RIMS2: variants seen among roughly 807,000 people sequenced by gnomAD.
RIMS2 encodes the protein regulating synaptic membrane exocytosis 2.
Under a neutral mutation model 174.4 loss-of-function variants are expected in RIMS2, and 59 were observed. The ratio of observed to expected loss-of-function variants is 0.34; its 90% CI spans 0.27 to 0.42. The LOEUF is 0.42. Ranked by LOEUF, RIMS2 falls within the 10% of genes least tolerant of loss-of-function variation. RIMS2 has a pLI of 1.00. For missense variants in RIMS2, 1,620 were observed against 1,666.3 expected (o/e 0.97, Z 0.48); for synonymous variants, 606 against 572.5 (o/e 1.06, Z -0.84).
chr8:104,051,270 G>A (rs991864843), intron 19 of RIMS2, among the ~76,000 whole-genome samples: 2 of 151,592 alleles, frequency 1.3e-5, no homozygotes, highest in Non-Finnish European at 2.9e-5. Context: ...ATATATATAT[G>A]TATGTGTGTG....
intron 1 of RIMS2, among the ~76,000 whole-genome samples, chr8:103,634,007 C>T (rs904447775): frequency 6.6e-6 from 1 of 152,048 alleles, no homozygotes; most frequent in African/African-American, 2.4e-5. Context: ...TTTTTCGTGT[C>T]TTGATTTCCC....
intron 19 of RIMS2, among the ~76,000 whole-genome samples, chr8:104,126,063 T>C (rs1321113163): frequency 6.6e-6 from 1 of 152,144 alleles, no homozygotes; most frequent in Non-Finnish European, 1.5e-5. Flanking sequence ...GGCTAGAAGG[T>C]GGACTAGATC....
intron 2 of RIMS2, among the ~76,000 whole-genome samples, chr8:103,765,553 A>C (rs1248360240): frequency 1.3e-5 from 2 of 152,204 alleles, no homozygotes; most frequent in Non-Finnish European, 2.9e-5. Flanking sequence ...CAGATGCATT[A>C]GTATAAATTA....
chr8:104,243,288 A>G (rs1482779116), intron 19 of RIMS2, among the ~76,000 whole-genome samples: 1 of 152,234 alleles, frequency 6.6e-6, no homozygotes. Flanking sequence ...TAGAGAATGG[A>G]TGAAATTTAA....
At chr8:104,195,514 CTTTTT>C (rs34923122) in intron 19 of RIMS2, among the ~76,000 whole-genome samples, 3 of 111,768 alleles carry the variant, frequency 2.7e-5, no homozygotes, top group Admixed American at 8.7e-5. Context: ...ATTTTATCTC[CTTTTT>C]TTTTTTTTTT....
At chr8:103,726,218 A>G (rs979467697) in intron 2 of RIMS2, among the ~76,000 whole-genome samples, 6 of 152,202 alleles carry the variant, frequency 3.9e-5, no homozygotes, top group Non-Finnish European at 7.3e-5. Context: ...AGTAAGTTGA[A>G]AATGAGCTTT....
intron 19 of RIMS2, among the ~76,000 whole-genome samples, chr8:104,038,567 T>C (rs751908236): frequency 6.6e-6 from 1 of 151,946 alleles, no homozygotes; most frequent in Non-Finnish European, 1.5e-5. Flanking sequence ...GACTGTGGCA[T>C]GGTAATGAGA....
At chr8:103,660,992 C>A (rs1464763163) in intron 1 of RIMS2, among the ~76,000 whole-genome samples, 1 of 152,246 alleles carries the variant, frequency 6.6e-6, no homozygotes, top group Non-Finnish European at 1.5e-5. Context: ...TGCAGGATTT[C>A]CTCATGCTCC....
intron 1 of RIMS2, among the ~76,000 whole-genome samples, chr8:103,551,420 C>G (rs887997055): frequency 2.0e-5 from 3 of 152,156 alleles, no homozygotes; most frequent in Non-Finnish European, 4.4e-5. Context: ...TAAAAACTCT[C>G]AATAAACTAG....
At chr8:103,923,593 CT>C (rs1405335836) in intron 10 of RIMS2, among the ~76,000 whole-genome samples, 1 of 151,680 alleles carries the variant, frequency 6.6e-6, no homozygotes, top group Non-Finnish European at 1.5e-5. Flanking sequence ...AAGTTATAGT[CT>C]TTAGATTTAT....
chr8:103,926,617 A>T (rs2078843685), intron 10 of RIMS2, among the ~76,000 whole-genome samples: 2 of 151,594 alleles, frequency 1.3e-5, no homozygotes, highest in Admixed American at 1.3e-4. Flanking sequence ...CCTAGTACTC[A>T]TTATCTGTTT....
At chr8:103,695,036 T>A (rs1590519974) in intron 1 of RIMS2, among the ~76,000 whole-genome samples, 1 of 151,170 alleles carries the variant, frequency 6.6e-6, no homozygotes, top group African/African-American at 2.4e-5. Flanking sequence ...AACAATTGCC[T>A]GATATTGGAG....
intron 4 of RIMS2, among the ~76,000 whole-genome samples, chr8:103,902,854 A>G (rs1454726141): frequency 6.6e-6 from 1 of 152,144 alleles, no homozygotes; most frequent in African/African-American, 2.4e-5. Context: ...ATTTAATTGT[A>G]CTTAAATTAG....
At chr8:104,191,470 G>C (rs144549842) in intron 19 of RIMS2, among the ~76,000 whole-genome samples, 29 of 152,190 alleles carry the variant, frequency 1.9e-4, no homozygotes, top group Non-Finnish European at 2.9e-4. Flanking sequence ...CATGTATAGA[G>C]TGAGTTCTAT....
intron 1 of RIMS2, among the ~76,000 whole-genome samples, chr8:103,602,480 C>G (rs2094806890): frequency 6.6e-6 from 1 of 151,676 alleles, no homozygotes; most frequent in Non-Finnish European, 1.5e-5. Context: ...CAAAGAGGCT[C>G]CAGCGTCTTT....
intron 15 of RIMS2, among the ~76,000 whole-genome samples, chr8:103,967,056 A>G (rs1334621454): frequency 1.3e-5 from 2 of 150,784 alleles, no homozygotes; most frequent in Non-Finnish European, 2.9e-5. Flanking sequence ...AAGAATGTAT[A>G]TGCTGCTAAT....
At chr8:103,512,840 T>C (rs1340498063) in intron 1 of RIMS2, among the ~76,000 whole-genome samples, 1 of 152,128 alleles carries the variant, frequency 6.6e-6, no homozygotes, top group Non-Finnish European at 1.5e-5. Context: ...AGTATCAACA[T>C]ACAAATTGAT....
chr8:103,713,741 T>C (rs74877077), intron 2 of RIMS2, among the ~76,000 whole-genome samples: 8,210 of 152,270 alleles, frequency 0.054, 315 homozygotes, highest in Non-Finnish European at 0.078. Flanking sequence ...TGTTTAAAAA[T>C]GATTCAGTGA....
At position 103,697,383 on chromosome 8, in the gene RIMS2, A is replaced by G. The variant is rs944635812; in HGVS notation, c.387+87A>G. On this transcript the variant is annotated intron_variant, in intron 2 of 23. Coordinates refer to ENST00000504942, the Ensembl canonical transcript of RIMS2. ...TAGAGAGTATGTTAATTCAACCCAAATAATATTTTGTTGAAATTAGCAAAA... is the reference window on the plus strand; with the variant it reads ...TAGAGAGTATGTTAATTCAACCCAAGTAATATTTTGTTGAAATTAGCAAAA... The G allele has an allele frequency of 2.0e-5, 21 of 1,058,898 alleles. No individual in the cohort carries two copies. In the African/African-American group the frequency reaches 3.1e-4, roughly 16 times the overall value. 65.6% of individuals were successfully genotyped at this position (1,058,898 alleles called of 1,614,324 possible).
Sources: gnomAD v4.1 joint callset for allele counts (sites outside exome capture counted in the v4.1 genomes callset) on GRCh38, gnomAD v4.1.1 for gene constraint, MANE v1.5 for transcripts, NCBI Gene and HGNC (gene_info 2026-07-23, HGNC 2026-07-21) for gene names.